Variants in MIA2 observed in about 807,000 individuals in gnomAD.
MIA2 encodes the protein melanoma inhibitory activity protein 2.
Under a neutral mutation model 167.8 loss-of-function variants are expected in MIA2, and 127 were observed. That is an observed-to-expected ratio of 0.76 (90% confidence interval 0.66 to 0.88). The LOEUF is 0.88. Ranked by LOEUF, MIA2 falls within the 40% of genes least tolerant of loss-of-function variation. The pLI is 0.00. For synonymous variants in MIA2, 552 were observed against 541.9 expected (o/e 1.02, Z -0.26); for missense variants, 1,690 against 1,624.7 (o/e 1.04, Z -0.69).
At chr14:39,380,904 A>G (rs2075145205) in intron 23 of MIA2, among the ~76,000 whole-genome samples, 1 of 151,898 alleles carries the variant, frequency 6.6e-6, no homozygotes, top group African/African-American at 2.4e-5. Flanking sequence ...AGACTAGGCC[A>G]TGTAGTGCTT....
At chr14:39,277,720 GTATATA>G (rs1179179595) in intron 7 of MIA2, among the ~76,000 whole-genome samples, 1 of 1,914 alleles carries the variant, frequency 5.2e-4, no homozygotes, top group South Asian at 0.01. Context: ...ATATATGTGT[GTATATA>G]TATATATATA....
intron 27 of MIA2, 58 bp from the exon 28 acceptor site, chr14:39,348,685 C>T (rs1030103112): frequency 4.5e-5 from 71 of 1,594,328 alleles, no homozygotes; most frequent in African/African-American, 6.7e-5. Flanking sequence ...CTGAGATTTT[C>T]GGGAAAATGA....
At position 39,292,159 on chromosome 14, in the gene MIA2, C is replaced by G. The variant is rs373433373; in HGVS notation, c.2208+1063C>G. Among the ~76,000 whole-genome samples the G allele has an allele frequency of 5.6e-4, 86 of 152,226 alleles. 1 individual carries two copies. The South Asian group carries it at 0.017, about 31-fold the overall frequency. On this transcript the variant is annotated intron_variant, in intron 10 of 28. Coordinates refer to ENST00000640607, the MANE Select transcript of MIA2 (RefSeq NM_001329214.4). ...TGAAATTATATTTTATTTGCTAACC[C>G]TCTGTCTTAACTACCCTTCCATTAG...
intron 18 of MIA2, among the ~76,000 whole-genome samples, chr14:39,310,478 A>G (rs756180562): frequency 4.1e-4 from 62 of 152,182 alleles, no homozygotes; most frequent in Non-Finnish European, 7.9e-4. Context: ...TTAACAATAT[A>G]TATTAAAGAA....
At position 39,293,356 on chromosome 14, in the gene MIA2, C is replaced by G. The variant is rs1440721947; in HGVS notation, c.2294C>G (p.Ser765Cys). 3 of 1,601,666 alleles carry G rather than the reference C, an allele frequency of 1.9e-6. No individual in the cohort carries two copies. Among genetic ancestry groups the G allele is most frequent in the Middle Eastern group, 1.7e-4 (1 of 6,032 alleles). The change falls in exon 11 of 29, where the codon TCC becomes TGC. Residue 765 changes from serine (S) to cysteine (C), a missense_variant. By Grantham distance (112) the Ser-to-Cys change is moderately radical (BLOSUM62 -1). Coordinates refer to ENST00000640607, the MANE Select transcript of MIA2 (RefSeq NM_001329214.4). ...GAAAAAGAGTTAAAAGAAGAGAAAT[C>G]CAAACATTCTGAACAAGATGAATTG... is the stretch of plus-strand genomic sequence containing the variant. The part of the protein sequence containing the change: ...CLEKELKEEK[S>C]KHSEQDELMA...
intron 6 of MIA2, among the ~76,000 whole-genome samples, chr14:39,272,267 G>T: frequency 6.6e-6 from 1 of 152,214 alleles, no homozygotes; most frequent in Non-Finnish European, 1.5e-5. Flanking sequence ...CAGGAGAATC[G>T]CTTGAACCCG....
At chr14:39,299,305 CTTTTTTTTTT>C (rs34424266) in intron 13 of MIA2, among the ~76,000 whole-genome samples, 1 of 95,090 alleles carries the variant, frequency 1.1e-5, no homozygotes, top group Non-Finnish European at 1.9e-5. Flanking sequence ...AATGGTATTT[CTTTTTTTTTT>C]TTTTTTTTTT....
Position 39,255,065 on chromosome 14 carries a change from T to C in MIA2, c.1887+1894T>C, listed in dbSNP as rs1050498970. 1.2e-4 allele frequency among the ~76,000 whole-genome samples: 19 copies of C among 152,314 alleles called. No individual in the cohort carries two copies. The East Asian group carries it at 3.7e-3, about 29-fold the overall frequency. Reference sequence around the variant, plus strand: ...TGAAAACTGGGCTTAATAGCATACATCATTTTGCTTTCAGAGGCCTCTTCC... The same window carrying C: ...TGAAAACTGGGCTTAATAGCATACACCATTTTGCTTTCAGAGGCCTCTTCC... On this transcript the variant is annotated intron_variant, in intron 6 of 28. Coordinates refer to ENST00000640607, the MANE Select transcript of MIA2 (RefSeq NM_001329214.4).
chr14:39,263,145 T>C (rs1238302364), intron 6 of MIA2, among the ~76,000 whole-genome samples: 1 of 152,190 alleles, frequency 6.6e-6, no homozygotes, highest in East Asian at 1.9e-4. Context: ...TGATATTGGC[T>C]GTGGGTTTGT....
Position 39,321,375 on chromosome 14 carries a change from G to A in MIA2, c.3496+319G>A, listed in dbSNP as rs1006531084. Among the ~76,000 whole-genome samples the A allele has an allele frequency of 6.6e-5, 10 of 151,920 alleles. 1 individual carries two copies. The East Asian group carries it at 9.6e-4, about 15-fold the overall frequency. Reference sequence around the variant, plus strand: ...TTCACCCAGGCTGGAGTGCAGTGGCGCGATCTTGGCTCATTGCAGGCTCCA... The same window carrying A: ...TTCACCCAGGCTGGAGTGCAGTGGCACGATCTTGGCTCATTGCAGGCTCCA... On this transcript the variant is annotated intron_variant, in intron 24 of 28. Transcript: ENST00000640607.
Position 39,248,009 on chromosome 14 carries a change from T to A in MIA2, c.1435T>A (p.Leu479Met). The change falls in exon 4 of 29, where the codon TTG (leucine) becomes ATG (methionine). Residue 479 changes from leucine to methionine, a missense_variant. Coordinates refer to ENST00000640607, the MANE Select transcript of MIA2 (RefSeq NM_001329214.4). ...CCAGAACATTCCAAAGGAAACAGAA[T>A]TGCCATTTCCCAAACAGATACTGGA... ...NFQNIPKETE[L>M]PFPKQILDQN... is the part of the protein sequence containing the mutation. 1 of 1,576,222 alleles carries A rather than the reference T, an allele frequency of 6.3e-7. No homozygotes were observed. Among genetic ancestry groups the A allele is most frequent in the Non-Finnish European group, 8.5e-7 (1 of 1,170,262 alleles).
exon 24 of MIA2, chr14:39,386,993 G>A (rs777931354): frequency 1.1e-5 from 8 of 756,470 alleles, no homozygotes; most frequent in African/African-American, 1.8e-5. Context: ...GATCTGTGAC[G>A]ACTCGTATCT....
At chr14:39,308,700 T>A in intron 18 of MIA2, 113 bp downstream of exon 18, 1 of 874,630 alleles carries the variant, frequency 1.1e-6, no homozygotes. Flanking sequence ...GATTAGATTG[T>A]ATTTCATCAA....
At chr14:39,340,943 G>C (rs1309229537) in intron 25 of MIA2, among the ~76,000 whole-genome samples, 11 of 152,106 alleles carry the variant, frequency 7.2e-5, no homozygotes, top group Admixed American at 7.2e-4. Flanking sequence ...ACAACTTTTT[G>C]AAAAATTTCA....
chr14:39,235,961 T>C (rs1357796325), intron 1 of MIA2, among the ~76,000 whole-genome samples: 4 of 152,220 alleles, frequency 2.6e-5, no homozygotes, highest in Non-Finnish European at 5.9e-5. Flanking sequence ...TATGTTTGTA[T>C]AATTATAATA....
chr14:39,368,689 G>GTT (rs35332595), intron 23 of MIA2, among the ~76,000 whole-genome samples: 3 of 126,764 alleles, frequency 2.4e-5, no homozygotes, highest in South Asian at 2.6e-4. Flanking sequence ...TCTTTTTTTT[G>GTT]TTTTTTTTTT....
intron 25 of MIA2, among the ~76,000 whole-genome samples, chr14:39,333,767 TTATGTG>T (rs2069527322): frequency 6.6e-6 from 1 of 152,208 alleles, no homozygotes; most frequent in Admixed American, 6.5e-5. Flanking sequence ...GAGTTTATAC[TTATGTG>T]TAGGAGAGTC....
chr14:39,245,887 T>G (rs1057275479), intron 3 of MIA2, among the ~76,000 whole-genome samples: 5 of 152,138 alleles, frequency 3.3e-5, no homozygotes, highest in African/African-American at 1.2e-4. Context: ...TTCCAATATA[T>G]GGTTTTTGGG....
At chr14:39,281,762 C>G (rs1377287611) in intron 9 of MIA2, among the ~76,000 whole-genome samples, 1 of 151,824 alleles carries the variant, frequency 6.6e-6, no homozygotes, top group Admixed American at 6.6e-5. Flanking sequence ...GCTGGGACTA[C>G]AGGCACACGC....
Sources: allele counts gnomAD v4.1 joint callset (sites outside exome capture counted in the v4.1 genomes callset), GRCh38; gene constraint gnomAD v4.1.1; transcripts MANE v1.5; gene names NCBI Gene and HGNC (gene_info 2026-07-23, HGNC 2026-07-21).